SCN8A: variants seen among roughly 807,000 people sequenced by gnomAD.
The protein encoded by SCN8A is sodium channel protein type 8 subunit alpha.
SCN8A carries 30 observed loss-of-function variants against 184.1 expected under a neutral mutation model. The ratio of observed to expected loss-of-function variants is 0.16; its 90% confidence interval spans 0.12 to 0.22. The LOEUF is 0.22. Among genes scored for constraint, SCN8A ranks in the 10% least tolerant of loss-of-function variants. SCN8A has a pLI of 1.00. For synonymous variants in SCN8A, 852 were observed against 907.0 expected (o/e 0.94, Z 1.09); for missense variants, 1,057 against 2,498.9 (o/e 0.42, Z 12.30).
intron 11 of SCN8A, 133 bp from the exon 12 acceptor site, chr12:51,721,413 G>T (rs914092650): frequency 1.1e-5 from 10 of 922,886 alleles, no homozygotes; most frequent in African/African-American, 3.3e-5. Context: ...GTGCTTTCTG[G>T]AAACACTTGT....
At chr12:51,712,821 T>C in intron 11 of SCN8A, 2 of 1,204,570 alleles carry the variant, frequency 1.7e-6, no homozygotes, top group Non-Finnish European at 2.5e-6. Context: ...CACCATCACC[T>C]CCTCCATAAC....
chr12:51,678,199 C>T lies in SCN8A; in HGVS notation c.277-5975C>T, dbSNP rs1941258616. The stretch of plus-strand genomic sequence containing the variant: ...ATTCCTTTCCATTCTCCCATATTCA[C>T]TGTTCTCCTGAGAACAGGGGATAAA... On this transcript the variant is annotated intron_variant, in intron 2 of 26. Coordinates refer to ENST00000627620, the MANE Select transcript of SCN8A (RefSeq NM_001330260.2). Among the ~76,000 whole-genome samples, 3 of 152,244 alleles carry T rather than the reference C, an allele frequency of 2.0e-5. No homozygotes were observed. In the South Asian group the frequency reaches 6.2e-4, roughly 31 times the overall value.
At chr12:51,694,796 T>C (rs1037504413) in intron 6 of SCN8A, among the ~76,000 whole-genome samples, 1 of 152,226 alleles carries the variant, frequency 6.6e-6, no homozygotes, top group African/African-American at 2.4e-5. Context: ...GGAATTCTAC[T>C]AACAACTTTT....
chr12:51,775,944 C>T (rs1019552434), intron 20 of SCN8A, among the ~76,000 whole-genome samples: 1 of 152,164 alleles, frequency 6.6e-6, no homozygotes, highest in Non-Finnish European at 1.5e-5. Context: ...CCCACATGCC[C>T]CTGCTAAACA....
intron 1 of SCN8A, among the ~76,000 whole-genome samples, chr12:51,620,080 A>G (rs1427793669): frequency 6.6e-6 from 1 of 152,208 alleles, no homozygotes; most frequent in Non-Finnish European, 1.5e-5. Context: ...TTAGAGAAGT[A>G]TTTAATATTA....
intron 2 of SCN8A, among the ~76,000 whole-genome samples, chr12:51,671,636 A>G (rs2138686058): frequency 6.6e-6 from 1 of 152,352 alleles, no homozygotes; most frequent in East Asian, 1.9e-4. Context: ...AATATCGATC[A>G]TCTCTGACAA....
intron 9 of SCN8A, among the ~76,000 whole-genome samples, chr12:51,704,471 A>G (rs1437767908): frequency 6.6e-6 from 1 of 150,392 alleles, no homozygotes; most frequent in Non-Finnish European, 1.5e-5. Flanking sequence ...GGAGTTCAAG[A>G]CCAACCTGGC....
Position 51,788,694 on chromosome 12 carries a change from G to T in SCN8A, c.4228-1G>T. 1 of 1,605,518 alleles carries T rather than the reference G, an allele frequency of 6.2e-7. No individual in the cohort carries two copies. The highest frequency in any genetic ancestry group is 8.5e-7 in the Non-Finnish European group (1 of 1,174,996). ...GTCTAATGACTGACTCTGTTTGCCAGGCAACCTTCAAAGGCTGGATGGACA... is the reference window on the plus strand; with the variant it reads ...GTCTAATGACTGACTCTGTTTGCCATGCAACCTTCAAAGGCTGGATGGACA... On this transcript the variant is annotated splice_acceptor_variant, in intron 22 of 26. Transcript: ENST00000627620. LOFTEE classifies it high-confidence loss of function.
chr12:51,597,455 A>G (rs1939373723), intron 1 of SCN8A, among the ~76,000 whole-genome samples: 1 of 152,112 alleles, frequency 6.6e-6, no homozygotes, highest in South Asian at 2.1e-4. Context: ...TTATCCAGGG[A>G]TGGATCATCA....
At chr12:51,617,233 A>G (rs1565860884) in intron 1 of SCN8A, among the ~76,000 whole-genome samples, 2 of 152,126 alleles carry the variant, frequency 1.3e-5, no homozygotes, top group Admixed American at 1.3e-4. Context: ...CCTTTGATAC[A>G]AATGTTAAGT....
At chr12:51,805,861 G>A (rs1350847539) in intron 26 of SCN8A, among the ~76,000 whole-genome samples, 11 of 150,766 alleles carry the variant, frequency 7.3e-5, no homozygotes, top group African/African-American at 2.7e-4. Flanking sequence ...AAGAATCTTG[G>A]TCTTTCACCA....
At position 51,684,182 on chromosome 12, in the gene SCN8A, A is replaced by G. The variant is rs377124342; in HGVS notation, c.285A>G (p.Val95=). The part of the protein sequence containing the change: ...DPYYLTQKTF[V]VLNRGKTLFR... ...TCTTTCTTTCTCCACAGACCTTTGT[A>G]GTATTAAACAGAGGGAAAACTCTCT... The change falls in exon 3 of 27, where the codon GTA becomes GTG. Residue 95 remains valine (V), a synonymous_variant. Coordinates refer to ENST00000627620, the MANE Select transcript of SCN8A (RefSeq NM_001330260.2). 4 of 1,512,582 alleles carry G rather than the reference A, an allele frequency of 2.6e-6. No individual in the cohort carries two copies. The highest frequency in any genetic ancestry group is 3.7e-6 in the Non-Finnish European group (4 of 1,087,712). 93.7% of individuals were successfully genotyped at this position (1,512,582 alleles called of 1,614,324 possible). A position where few individuals can be genotyped will look rare whatever the true frequency, so the allele number is the denominator to read the frequency against.
At chr12:51,709,155 G>T (rs1941831740) in intron 11 of SCN8A, among the ~76,000 whole-genome samples, 1 of 152,202 alleles carries the variant, frequency 6.6e-6, no homozygotes, top group Non-Finnish European at 1.5e-5. Context: ...AGAAAAAAGG[G>T]ATGGTCTAGG....
rs1311438709 is a variant in SCN8A at position 51,812,403 on chromosome 12, A to T, written c.*4974A>T. 6.5e-6 allele frequency: 1 copy of T among 154,032 alleles called. No individual in the cohort carries two copies. Among genetic ancestry groups the T allele is most frequent in the South Asian group, 1.8e-4 (1 of 5,510 alleles). The allele number at this position is 154,032 out of a possible 1,614,324, so 9.5% of individuals were successfully genotyped here. A position where few individuals can be genotyped will look rare whatever the true frequency, so the allele number is the denominator to read the frequency against. ...AAAATGGGGATAATAATACTGACCT[A>T]CCTCACAGGGGTGTTGTGAGGCTTT... On this transcript the variant is annotated 3_prime_UTR_variant, in exon 27 of 27. Transcript: ENST00000627620.
intron 1 of SCN8A, among the ~76,000 whole-genome samples, chr12:51,624,357 G>C (rs1940029232): frequency 6.6e-6 from 1 of 152,138 alleles, no homozygotes; most frequent in Non-Finnish European, 1.5e-5. Context: ...TTTTTCTGAT[G>C]GCCAGTGATG....
chr12:51,672,175 A>T (rs1177839400), intron 2 of SCN8A, among the ~76,000 whole-genome samples: 1 of 152,114 alleles, frequency 6.6e-6, no homozygotes, highest in African/African-American at 2.4e-5. Flanking sequence ...TCCTGTCCCC[A>T]GGTAGTCTAA....
At chr12:51,643,407 G>A (rs1463215532) in intron 1 of SCN8A, among the ~76,000 whole-genome samples, 1 of 152,200 alleles carries the variant, frequency 6.6e-6, no homozygotes, top group East Asian at 1.9e-4. Flanking sequence ...TAGAGTGCCT[G>A]TATATATTAT....
At chr12:51,698,467 G>T (rs1022685341) in intron 6 of SCN8A, among the ~76,000 whole-genome samples, 2 of 152,158 alleles carry the variant, frequency 1.3e-5, no homozygotes, top group Non-Finnish European at 2.9e-5. Flanking sequence ...GCTCATCCTG[G>T]TGCATTGGCT....
intron 12 of SCN8A, among the ~76,000 whole-genome samples, chr12:51,732,151 G>T (rs1348990149): frequency 1.3e-5 from 2 of 152,180 alleles, no homozygotes; most frequent in Admixed American, 6.5e-5. Context: ...ACCCAGACCA[G>T]TGTCCTGGAG....
Sources: gnomAD v4.1 joint callset for allele counts (sites outside exome capture counted in the v4.1 genomes callset) on GRCh38, gnomAD v4.1.1 for gene constraint, MANE v1.5 for transcripts, NCBI Gene and HGNC (gene_info 2026-07-23, HGNC 2026-07-21) for gene names.